Variants in PRKN observed in about 807,000 individuals in gnomAD.
The protein encoded by PRKN is parkin RBR E3 ubiquitin protein ligase, also known as E3 ubiquitin-protein ligase parkin.
Under a neutral mutation model 59.5 loss-of-function variants are expected in PRKN, and 56 were observed. The observed-to-expected ratio is 0.94, with a 90% confidence interval of 0.76 to 1.18. The LOEUF (loss-of-function observed/expected upper bound fraction) is 1.18, where lower values mean the gene tolerates loss of function less well. PRKN is among the 50% of genes most tolerant of loss of function. The probability of loss-of-function intolerance (pLI) is 0.00; values close to 1 mark genes in which losing one functional copy is unlikely to be tolerated. For missense variants in PRKN, 657 were observed against 596.4 expected (o/e 1.10, Z -1.06); for synonymous variants, 250 against 222.1 (o/e 1.13, Z -1.12).
At chr6:162,344,755 T>C (rs1784325732) in intron 2 of PRKN, among the ~76,000 whole-genome samples, 1 of 152,170 alleles carries the variant, frequency 6.6e-6, no homozygotes, top group Non-Finnish European at 1.5e-5. Flanking sequence ...CCAGGCTCCA[T>C]TCCTTTCTGG....
At chr6:161,790,321 A>T (rs77382891) in intron 6 of PRKN, among the ~76,000 whole-genome samples, 1 of 152,310 alleles carries the variant, frequency 6.6e-6, no homozygotes, top group African/African-American at 2.4e-5. Flanking sequence ...ATGGTGGGGG[A>T]CAAGATGAAA....
chr6:161,356,602 A>G lies in PRKN; in HGVS notation c.1285+3486T>C, dbSNP rs1335542754. Among the ~76,000 whole-genome samples, 1 of 152,036 alleles carries G rather than the reference A, an allele frequency of 6.6e-6. No individual in the cohort carries two copies. The highest frequency in any genetic ancestry group is 2.4e-5 in the African/African-American group (1 of 41,338). ...GGAGTCAGAGGTGGGCAGACGCTGGATCAGAGCACGGGGAAGGCCGTGGTG... is the reference window on the plus strand; with the variant it reads ...GGAGTCAGAGGTGGGCAGACGCTGGGTCAGAGCACGGGGAAGGCCGTGGTG... On this transcript the variant is annotated intron_variant, in intron 11 of 11. Coordinates refer to ENST00000366898, the MANE Select transcript of PRKN (RefSeq NM_004562.3). This position sits in a 1 kb window ranked among gnomAD's most constrained non-coding sequence, Gnocchi z 7.8.
intron 6 of PRKN, among the ~76,000 whole-genome samples, chr6:161,931,794 A>G (rs1185337593): frequency 6.6e-6 from 1 of 152,250 alleles, no homozygotes; most frequent in African/African-American, 2.4e-5. Context: ...ACTTTCCCCT[A>G]TGGAAAGCAG....
rs922156752 is a variant in PRKN at position 161,361,317 on chromosome 6, T to C, written c.1168-1112A>G. The stretch of plus-strand genomic sequence containing the variant: ...TAGTTTCTTTAGGAATTAGTGTTCA[T>C]GTTTCTGTTATTTCTGTGGAAAGTC... On this transcript the variant is annotated intron_variant, in intron 10 of 11. Transcript: ENST00000366898. The surrounding 1 kb of genome is among the most constrained non-coding windows in gnomAD (Gnocchi z 5.2). Among the ~76,000 whole-genome samples the C allele has an allele frequency of 6.6e-6, 1 of 152,220 alleles. No homozygotes were observed. Among genetic ancestry groups the C allele is most frequent in the Non-Finnish European group, 1.5e-5 (1 of 68,034 alleles).
chr6:161,622,392 G>A (rs977982531), intron 7 of PRKN, among the ~76,000 whole-genome samples: 4 of 152,008 alleles, frequency 2.6e-5, no homozygotes, highest in African/African-American at 7.3e-5. Context: ...CCTTTCCAGC[G>A]ACCTCCCTGC....
In PRKN at chr6:161,446,930, T is replaced by A. The variant is rs894695564; in HGVS notation, c.1084-60053A>T. Among the ~76,000 whole-genome samples, 1 of 152,208 alleles carries A rather than the reference T, an allele frequency of 6.6e-6. No homozygotes were observed. Among genetic ancestry groups the A allele is most frequent in the African/African-American group, 2.4e-5 (1 of 41,464 alleles). ...CCCTACATTCAGTTAAAAGCTACTC[T>A]GTACCCCAGGACATGGGAGCAGCTC... On this transcript the variant is annotated intron_variant, in intron 9 of 11. Coordinates refer to ENST00000366898, the MANE Select transcript of PRKN (RefSeq NM_004562.3). This position sits in a 1 kb window ranked among gnomAD's most constrained non-coding sequence, Gnocchi z 6.2.
chr6:162,262,670 T>A lies in PRKN; in HGVS notation c.267A>T (p.Arg89Ser), dbSNP rs750337199. ...CCCGCTCACAGCCTCCCGCCGCGTT[T>A]CTGGGGTCGTCGCCTCCAGTTGCAT... ...EMNATGGDDPRNAAGGCEREP... is the reference protein window; with the variant it reads ...EMNATGGDDPSNAAGGCEREP... Residue 89 changes from arginine to serine, a missense_variant, in exon 3 of 12, where the codon AGA becomes AGT. Physicochemically the swap from Arg to Ser is moderately radical, Grantham distance 110 (BLOSUM62 -1). Transcript: ENST00000366898. The A allele has an allele frequency of 3.7e-6, 6 of 1,613,650 alleles. No homozygotes were observed. The highest frequency in any genetic ancestry group is 5.1e-6 in the Non-Finnish European group (6 of 1,179,954).
intron 3 of PRKN, among the ~76,000 whole-genome samples, chr6:162,261,748 GT>G (rs1779896727): frequency 1.3e-5 from 2 of 152,020 alleles, no homozygotes; most frequent in Admixed American, 1.3e-4. Context: ...TAAAGATGTT[GT>G]TTCTACATTT....
chr6:161,784,925 C>A (rs922648535), intron 7 of PRKN, among the ~76,000 whole-genome samples: 1 of 152,004 alleles, frequency 6.6e-6, no homozygotes, highest in African/African-American at 2.4e-5. Flanking sequence ...ATTATTCAGC[C>A]ACAAAGAGGA....
chr6:161,390,483 G>GATTTATTT lies in PRKN; in HGVS notation c.1084-3614_1084-3607dup, dbSNP rs530500335. ...AAACATCCATTTGGAACAAAGATGT[G>GATTTATTT]ATTTATTTATTTATTTATTTATTGA... On this transcript the variant is annotated intron_variant, in intron 9 of 11. Transcript: ENST00000366898. This position sits in a 1 kb window ranked among gnomAD's most constrained non-coding sequence, Gnocchi z 7.0. Among the ~76,000 whole-genome samples the GATTTATTT allele has an allele frequency of 4.6e-5, 7 of 152,038 alleles. No individual in the cohort carries two copies. Among genetic ancestry groups the GATTTATTT allele is most frequent in the Non-Finnish European group, 4.4e-5 (3 of 68,008 alleles).
At chr6:162,196,611 A>G (rs9456751) in intron 4 of PRKN, among the ~76,000 whole-genome samples, 48,842 of 152,118 alleles carry the variant, frequency 0.32, 8,911 homozygotes, top group South Asian at 0.46. Flanking sequence ...ACCATGCAAG[A>G]AAGAGGATAT....
intron 3 of PRKN, among the ~76,000 whole-genome samples, chr6:162,208,729 A>G (rs1413117653): frequency 6.6e-6 from 1 of 152,168 alleles, no homozygotes; most frequent in African/African-American, 2.4e-5. Context: ...CAGGAAAGTC[A>G]CAGCTTTCCA....
intron 3 of PRKN, chr6:162,262,312 A>G (rs1779921650): frequency 3.1e-6 from 2 of 655,060 alleles, no homozygotes; most frequent in Admixed American, 2.2e-5. Context: ...TAATCTCAAT[A>G]TGAAAACCTG....
chr6:161,651,441 A>T (rs1784146470), intron 7 of PRKN, among the ~76,000 whole-genome samples: 1 of 152,184 alleles, frequency 6.6e-6, no homozygotes, highest in Non-Finnish European at 1.5e-5. Context: ...TCTGCATTTT[A>T]CCAAGAAGAC....
At chr6:162,357,978 A>G (rs1269800770) in intron 2 of PRKN, among the ~76,000 whole-genome samples, 1 of 152,166 alleles carries the variant, frequency 6.6e-6, no homozygotes, top group Non-Finnish European at 1.5e-5. Context: ...GCATGACGTT[A>G]TAACGGTGGA....
At chr6:161,806,046 G>A (rs927260510) in intron 6 of PRKN, among the ~76,000 whole-genome samples, 1 of 152,178 alleles carries the variant, frequency 6.6e-6, no homozygotes, top group Admixed American at 6.5e-5. Context: ...GGATGAACTG[G>A]TGCCCAGAAG....
chr6:162,228,974 AAAT>A (rs1474713803), intron 3 of PRKN, among the ~76,000 whole-genome samples: 3 of 152,164 alleles, frequency 2.0e-5, no homozygotes, highest in South Asian at 2.1e-4. Context: ...GTACACCTCT[AAAT>A]GATGGAAGGT....
intron 1 of PRKN, among the ~76,000 whole-genome samples, chr6:162,529,856 G>A (rs1021033873): frequency 3.3e-5 from 5 of 152,148 alleles, no homozygotes; most frequent in African/African-American, 1.2e-4. Context: ...TAAGCTGGGC[G>A]TGGTGGCTCA....
chr6:162,071,491 C>T (rs1348221163), intron 4 of PRKN, among the ~76,000 whole-genome samples: 1 of 46,770 alleles, frequency 2.1e-5, no homozygotes, highest in Non-Finnish European at 4.0e-5. Context: ...TCTTCTGGTT[C>T]TCCAAAAGTT....
Sources: gnomAD v4.1 joint callset for allele counts (sites outside exome capture counted in the v4.1 genomes callset) on GRCh38, gnomAD v4.1.1 for gene constraint, Gnocchi (gnomAD v3.1) non-coding constraint, MANE v1.5 for transcripts, NCBI Gene and HGNC (gene_info 2026-07-23, HGNC 2026-07-21) for gene names.